The following HSD17B14 variants were observed in gnomAD, a reference collection of about 807,000 sequenced individuals.
The protein encoded by HSD17B14 is L-fucose dehydrogenase.
In HSD17B14, 32 loss-of-function variants were observed where a neutral mutation model predicts 32.2. That is an observed-to-expected ratio of 0.99 (90% CI 0.75 to 1.33). The LOEUF (loss-of-function observed/expected upper bound fraction) is 1.33, where lower values mean the gene tolerates loss of function less well. Among genes scored for constraint, HSD17B14 ranks in the 40% most tolerant of loss-of-function variants. The pLI, the probability that HSD17B14 is intolerant of heterozygous loss-of-function variation, is 0.00. For synonymous variants in HSD17B14, 140 were observed against 155.4 expected, an observed-to-expected ratio of 0.90 and a Z score of 0.74; for missense variants, 370 against 366.5, an observed-to-expected ratio of 1.01 and a Z score of -0.08.
chr19:48,814,357 T>G (rs1374722249), intron 6 of HSD17B14, among the ~76,000 whole-genome samples: 1 of 149,704 alleles, frequency 6.7e-6, no homozygotes, highest in Non-Finnish European at 1.5e-5. Context: ...TCGTCTCTAC[T>G]AAAAAATACA....
At chr19:48,822,156 A>G (rs1380612442) in intron 5 of HSD17B14, among the ~76,000 whole-genome samples, 4 of 117,286 alleles carry the variant, frequency 3.4e-5, no homozygotes, top group African/African-American at 1.0e-4. Context: ...TGATTGTGGT[A>G]ATGACAGTGT....
intron 5 of HSD17B14, among the ~76,000 whole-genome samples, chr19:48,815,417 G>A (rs2035035315): frequency 6.6e-6 from 1 of 152,174 alleles, no homozygotes; most frequent in African/African-American, 2.4e-5. Flanking sequence ...CTCTACCTCT[G>A]TCCCTTCTCC....
chr19:48,815,519 G>C (rs2035036704), intron 5 of HSD17B14, among the ~76,000 whole-genome samples: 1 of 152,090 alleles, frequency 6.6e-6, no homozygotes, highest in Non-Finnish European at 1.5e-5. Context: ...TCAAAAATGG[G>C]ATGAAGTTAT....
intron 6 of HSD17B14, among the ~76,000 whole-genome samples, chr19:48,814,337 T>C (rs1031656676): frequency 5.4e-5 from 8 of 148,070 alleles, no homozygotes; most frequent in Admixed American, 4.7e-4. Flanking sequence ...CTGACCAACA[T>C]GGTGAAATCT....
intron 5 of HSD17B14, among the ~76,000 whole-genome samples, chr19:48,831,441 T>C (rs1052061190): frequency 1.3e-5 from 2 of 152,042 alleles, no homozygotes; most frequent in African/African-American, 4.8e-5. Flanking sequence ...TAATCCCAGT[T>C]ACTCAGGAGG....
At chr19:48,818,586 T>G (rs1302714764) in intron 5 of HSD17B14, among the ~76,000 whole-genome samples, 2 of 152,012 alleles carry the variant, frequency 1.3e-5, no homozygotes, top group Non-Finnish European at 2.9e-5. Flanking sequence ...GACACGGATC[T>G]TGCCACCCTC....
intron 2 of HSD17B14, 150 bp downstream of exon 2, chr19:48,835,655 G>A (rs2035489428): frequency 4.3e-6 from 3 of 702,610 alleles, no homozygotes; most frequent in Admixed American, 2.6e-5. Flanking sequence ...AGGTCTGAGG[G>A]AGGAGGGGCT....
At chr19:48,820,592 C>T (rs960482940) in intron 5 of HSD17B14, among the ~76,000 whole-genome samples, 6 of 149,450 alleles carry the variant, frequency 4.0e-5, no homozygotes, top group Non-Finnish European at 8.9e-5. Context: ...AGTGCAGTGG[C>T]GCAATCTTGG....
At chr19:48,822,358 A>ATGTTG (rs1391440767) in intron 5 of HSD17B14, among the ~76,000 whole-genome samples, 2 of 102,872 alleles carry the variant, frequency 1.9e-5, no homozygotes, top group African/African-American at 3.8e-5. Flanking sequence ...TGATGGTGGC[A>ATGTTG]ATGATGGTGA....
intron 5 of HSD17B14, among the ~76,000 whole-genome samples, chr19:48,829,304 T>G (rs2035298407): frequency 6.6e-6 from 1 of 151,152 alleles, no homozygotes. Context: ...TCCTCTCACC[T>G]CAGCCTCCCG....
At chr19:48,833,416 G>A (rs1033728857) in intron 3 of HSD17B14, among the ~76,000 whole-genome samples, 2 of 152,280 alleles carry the variant, frequency 1.3e-5, no homozygotes, top group South Asian at 2.1e-4. Flanking sequence ...TACAGGCCAC[G>A]TGCAGTGGCT....
chr19:48,813,494 C>T lies in HSD17B14; in HGVS notation c.601G>A (p.Asp201Asn), dbSNP rs1482962347. The change falls in exon 8 of 9, where the codon GAC becomes AAC. Residue 201 changes from aspartate to asparagine, a missense_variant. Transcript: ENST00000263278. ...CCCTCTCGGATTGTGGCCCTAGGGT[C>T]TGGCATTAAGGCTGCCAGCTCCTCC... The part of the protein sequence containing the change: ...LWEELAALMP[D>N]PRATIREGML... The T allele has an allele frequency of 6.2e-7, 1 of 1,613,874 alleles. No individual in the cohort carries two copies. Among genetic ancestry groups the T allele is most frequent in the African/African-American group, 1.3e-5 (1 of 74,926 alleles).
rs759386197 is a variant in HSD17B14 at position 48,835,845 on chromosome 19, T to C, written c.89-2A>G. 6.2e-7 allele frequency: 1 copy of C among 1,613,428 alleles called. No individual in the cohort carries two copies. The highest frequency in any genetic ancestry group is 1.1e-5 in the South Asian group (1 of 91,072). ...TAACCACTCGGGCCCCGCTGTTCACTGAGAATAGGAAGGGAACAGGTTACT... is the reference window on the plus strand; with the variant it reads ...TAACCACTCGGGCCCCGCTGTTCACCGAGAATAGGAAGGGAACAGGTTACT... On this transcript the variant is annotated splice_acceptor_variant, in intron 1 of 8. Coordinates refer to ENST00000263278, the MANE Select transcript of HSD17B14 (RefSeq NM_016246.3). LOFTEE classifies it high-confidence loss of function.
intron 5 of HSD17B14, among the ~76,000 whole-genome samples, chr19:48,817,883 CG>C (rs2035082997): frequency 6.6e-6 from 1 of 152,190 alleles, no homozygotes; most frequent in Non-Finnish European, 1.5e-5. Flanking sequence ...ATTTCACAAG[CG>C]AGGAGACTAA....
intron 5 of HSD17B14, among the ~76,000 whole-genome samples, chr19:48,821,302 C>T (rs529304900): frequency 4.6e-5 from 7 of 152,276 alleles, no homozygotes; most frequent in Non-Finnish European, 8.8e-5. Context: ...CATGAGCCAC[C>T]GCGCCTGGCC....
intron 5 of HSD17B14, among the ~76,000 whole-genome samples, chr19:48,827,613 C>A (rs570574087): frequency 6.6e-5 from 10 of 151,886 alleles, no homozygotes; most frequent in Admixed American, 2.0e-4. Flanking sequence ...TCTCAGCTCA[C>A]TGCAACCTCC....
chr19:48,822,306 T>A (rs534966156), intron 5 of HSD17B14, among the ~76,000 whole-genome samples: 1 of 151,254 alleles, frequency 6.6e-6, no homozygotes, highest in Non-Finnish European at 1.5e-5. Context: ...GTGGTGATGG[T>A]GATGATTGTG....
At chr19:48,824,554 A>G (rs931038279) in intron 5 of HSD17B14, among the ~76,000 whole-genome samples, 1 of 151,520 alleles carries the variant, frequency 6.6e-6, no homozygotes, top group Non-Finnish European at 1.5e-5. Context: ...GCGGATCACG[A>G]GGTCAGGAGA....
chr19:48,834,215 G>A, intron 3 of HSD17B14, 61 bp downstream of exon 3: 2 of 1,361,530 alleles, frequency 1.5e-6, no homozygotes, highest in South Asian at 1.2e-5. Context: ...GCAAATGGCT[G>A]GAGGAGAACA....
Sources: gnomAD v4.1 joint callset for allele counts (sites outside exome capture counted in the v4.1 genomes callset) on GRCh38, gnomAD v4.1.1 for gene constraint, MANE v1.5 for transcripts, NCBI Gene and HGNC (gene_info 2026-07-23, HGNC 2026-07-21) for gene names.